ODAD4: variants seen among roughly 807,000 people sequenced by gnomAD.
ODAD4 encodes outer dynein arm-docking complex subunit 4.
Under a neutral mutation model 51.8 loss-of-function variants are expected in ODAD4, and 49 were observed. The observed-to-expected ratio is 0.95, with a 90% CI of 0.75 to 1.20. The LOEUF (loss-of-function observed/expected upper bound fraction) is 1.20. Ranked by LOEUF, ODAD4 falls within the 50% of genes most tolerant of loss-of-function variation. The pLI, the probability that ODAD4 is intolerant of heterozygous loss-of-function variation, is 0.00. For missense variants in ODAD4, 590 were observed against 586.5 expected (o/e 1.01, Z -0.06); for synonymous variants, 235 against 221.3 (o/e 1.06, Z -0.55).
intron 7 of ODAD4, among the ~76,000 whole-genome samples, chr17:41,943,040 C>T (rs533303222): frequency 4.6e-5 from 7 of 152,112 alleles, no homozygotes; most frequent in African/African-American, 1.7e-4. Context: ...TGTTTTTACA[C>T]AAGTACTATA....
intron 10 of ODAD4, among the ~76,000 whole-genome samples, chr17:41,955,909 C>T (rs979620526): frequency 1.3e-5 from 2 of 151,914 alleles, no homozygotes; most frequent in Non-Finnish European, 2.9e-5. Context: ...ACCTCCTGGG[C>T]TCAAGTTATC....
rs927134122 is a variant in ODAD4 at position 41,965,184 on chromosome 17, G to T, written c.1720G>T (p.Ala574Ser). 5.2e-6 allele frequency: 4 copies of T among 773,340 alleles called. No homozygotes were observed. In the Admixed American group the frequency reaches 5.2e-5, roughly 10 times the overall value. 47.9% of individuals were successfully genotyped at this position (773,340 alleles called of 1,614,324 possible). Residue 574 changes from alanine (A) to serine (S), a missense_variant, in exon 12 of 12, where the codon GCC becomes TCC. Transcript: ENST00000377540. ...SGKQSVEAGKARSDLGAVAKG... is the reference protein window; with the variant it reads ...SGKQSVEAGKSRSDLGAVAKG... ...AAAGCAGAGTGTGGAAGCAGGAAAA[G>T]CCAGAAGCGATTTGGGAGCAGTTGC...
In ODAD4 at chr17:41,966,188, T is replaced by G. The variant is rs2050884670; in HGVS notation, c.*705T>G. Among the ~76,000 whole-genome samples the G allele has an allele frequency of 6.6e-6, 1 of 152,008 alleles. No homozygotes were observed. Among genetic ancestry groups the G allele is most frequent in the Non-Finnish European group, 1.5e-5 (1 of 68,004 alleles). On this transcript the variant is annotated 3_prime_UTR_variant, in exon 12 of 12. Transcript: ENST00000377540. ...GCTCTCAGTGGTTTCACAGAGGAGG[T>G]GGCAGCTGAGGATCTGGCCTCAGAG...
intron 7 of ODAD4, among the ~76,000 whole-genome samples, chr17:41,944,438 ACACACACC>A (rs1266499559): frequency 0.032 from 127 of 3,982 alleles, 4 homozygotes; most frequent in African/African-American, 0.067. Flanking sequence ...ACACACACAC[ACACACACC>A]CCCCCGCATA....
chr17:41,938,631 A>G lies in ODAD4; in HGVS notation c.700A>G (p.Thr234Ala). The G allele has an allele frequency of 6.2e-7, 1 of 1,613,912 alleles. No homozygotes were observed. Among genetic ancestry groups the G allele is most frequent in the Non-Finnish European group, 8.5e-7 (1 of 1,179,878 alleles). ...CATGACGGGCATCAACTACCTGGAT[A>G]CTCACAGCAACTTCTGGAGGCAGCA... ...LIMTGINYLD[T>A]HSNFWRQQKP... Residue 234 changes from threonine (T) to alanine (A), a missense_variant, in exon 6 of 12, where the codon ACT (threonine) becomes GCT (alanine). Transcript: ENST00000377540.
chr17:41,951,321 G>C (rs1444902708), intron 9 of ODAD4, among the ~76,000 whole-genome samples: 1 of 151,882 alleles, frequency 6.6e-6, no homozygotes, highest in East Asian at 2.0e-4. Context: ...TTGACCTCGT[G>C]ATCTGCCTGC....
intron 7 of ODAD4, among the ~76,000 whole-genome samples, chr17:41,944,255 C>G (rs965860970): frequency 2.6e-5 from 4 of 151,710 alleles, no homozygotes; most frequent in Non-Finnish European, 5.9e-5. Flanking sequence ...GTCCCTGCTA[C>G]TCAGTGGCTG....
chr17:41,956,151 G>A (rs1485308285), intron 10 of ODAD4, among the ~76,000 whole-genome samples: 5 of 148,946 alleles, frequency 3.4e-5, no homozygotes, highest in African/African-American at 7.4e-5. Context: ...GGGTTCAAAC[G>A]ATTCACCTGC....
chr17:41,945,102 C>T (rs58970158), intron 7 of ODAD4, 34 bp from the exon 8 acceptor site: 61 of 1,561,924 alleles, frequency 3.9e-5, no homozygotes, highest in Non-Finnish European at 5.2e-5. Context: ...CAGCTGATTT[C>T]TAGTGAATGG....
chr17:41,944,843 A>G (rs1214618844), intron 7 of ODAD4, among the ~76,000 whole-genome samples: 1 of 152,094 alleles, frequency 6.6e-6, no homozygotes, highest in Non-Finnish European at 1.5e-5. Flanking sequence ...TGCTTTAATG[A>G]CTGTTCTTGT....
rs782117360 is a variant in ODAD4 at position 41,936,498 on chromosome 17, C to A, written c.423C>A (p.Asn141Lys). The A allele has an allele frequency of 1.3e-5, 21 of 1,613,174 alleles. No individual in the cohort carries two copies. The African/African-American group carries it at 2.7e-4, about 21-fold the overall frequency. Residue 141 changes from asparagine to lysine, a missense_variant, in exon 4 of 12, where the codon AAC (asparagine) becomes AAA (lysine). This residue lies in a region of ODAD4 where 360 missense variants were observed against 407.5 expected (regional missense o/e 0.88). Coordinates refer to ENST00000377540, the MANE Select transcript of ODAD4 (RefSeq NM_031421.5). The part of the protein sequence containing the change: ...VGSPSSIKLE[N>K]KGDLSFLSKQ... ...GTCCTTCTTCCATTAAGCTGGAGAA[C>A]AAAGGGGACCTCTCCTTCTTAAGCA...
intron 7 of ODAD4, among the ~76,000 whole-genome samples, chr17:41,942,641 G>C (rs1011864305): frequency 1.3e-5 from 2 of 152,140 alleles, no homozygotes; most frequent in African/African-American, 2.4e-5. Context: ...CTCAGGGAAG[G>C]CAGCAGGGTC....
Position 41,936,535 on chromosome 17 carries a change from G to T in ODAD4, c.459+1G>T. 1 of 1,612,216 alleles carries T rather than the reference G, an allele frequency of 6.2e-7. No individual in the cohort carries two copies. The highest frequency in any genetic ancestry group is 8.5e-7 in the Non-Finnish European group (1 of 1,178,830). The stretch of plus-strand genomic sequence containing the variant: ...CTCCTTCTTAAGCAAGCAGGCTGAG[G>T]TAAGGGCCCTGGTTCTGTGGTTGTA... On this transcript the variant is annotated splice_donor_variant, in intron 4 of 11. Coordinates refer to ENST00000377540, the MANE Select transcript of ODAD4 (RefSeq NM_031421.5). LOFTEE classifies it high-confidence loss of function.
intron 9 of ODAD4, among the ~76,000 whole-genome samples, chr17:41,954,777 G>A (rs1203980922): frequency 6.6e-6 from 1 of 151,228 alleles, no homozygotes; most frequent in African/African-American, 2.4e-5. Flanking sequence ...TTGAACCTGG[G>A]AGGCAGAGGT....
Position 41,936,844 on chromosome 17 carries a change from T to C in ODAD4, c.542T>C (p.Leu181Pro), listed in dbSNP as rs2050435941. The change falls in exon 5 of 12, where the codon CTC becomes CCC. Residue 181 changes from leucine (L) to proline (P), a missense_variant. Leu to Pro is a moderately conservative substitution (Grantham distance 98). Coordinates refer to ENST00000377540, the MANE Select transcript of ODAD4 (RefSeq NM_031421.5). ...GGAGAGCCCAAGTGGAAGGCCTCGC[T>C]CAAGAGTGAGAAGACTGTCCGCCAG... ...TKGEPKWKAS[L>P]KSEKTVRQLL... 1.2e-6 allele frequency: 2 copies of C among 1,613,932 alleles called. No homozygotes were observed. Among genetic ancestry groups the C allele is most frequent in the Non-Finnish European group, 1.7e-6 (2 of 1,179,890 alleles).
At chr17:41,956,059 T>C (rs931763500) in intron 10 of ODAD4, among the ~76,000 whole-genome samples, 1 of 150,228 alleles carries the variant, frequency 6.7e-6, no homozygotes, top group African/African-American at 2.5e-5. Flanking sequence ...TTTTTTTTTT[T>C]TTTTTTTGAG....
chr17:41,963,284 A>G (rs2050829588), intron 11 of ODAD4, among the ~76,000 whole-genome samples: 1 of 152,114 alleles, frequency 6.6e-6, no homozygotes, highest in African/African-American at 2.4e-5. Context: ...AGGGGATGTA[A>G]CTTTTCTCCA....
chr17:41,938,935 G>T (rs2050467574), intron 6 of ODAD4, 30 bp from the exon 7 acceptor site: 1 of 1,597,926 alleles, frequency 6.3e-7, no homozygotes, highest in African/African-American at 1.3e-5. Context: ...AGGCTGCCCT[G>T]GCCTCCACAG....
At chr17:41,961,780 C>G (rs529204420) in intron 11 of ODAD4, among the ~76,000 whole-genome samples, 54 of 152,294 alleles carry the variant, frequency 3.5e-4, no homozygotes, top group African/African-American at 1.2e-3. Context: ...GAGGCCCATC[C>G]CTGCCCTGGA....
Sources: allele counts gnomAD v4.1 joint callset (sites outside exome capture counted in the v4.1 genomes callset), GRCh38; gene constraint gnomAD v4.1.1; regional missense constraint gnomAD v4.1.1; transcripts MANE v1.5; gene names NCBI Gene and HGNC (gene_info 2026-07-23, HGNC 2026-07-21).